The following ELAVL3 variants were observed in gnomAD, a reference collection of about 807,000 sequenced individuals.
The protein encoded by ELAVL3 is ELAV-like protein 3.
In ELAVL3, 8 loss-of-function variants were observed where a neutral mutation model predicts 34.2. The ratio of observed to expected loss-of-function variants is 0.23; its 90% confidence interval spans 0.14 to 0.42. The LOEUF (loss-of-function observed/expected upper bound fraction) is 0.42. ELAVL3 is among the 10% of genes least tolerant of loss of function. The pLI is 1.00. For missense variants in ELAVL3, 273 were observed against 518.8 expected, an observed-to-expected ratio of 0.53 and a Z score of 4.60; for synonymous variants, 209 against 222.1, an observed-to-expected ratio of 0.94 and a Z score of 0.53.
At chr19:11,475,612 C>CTTTTT (rs35672237) in intron 1 of ELAVL3, among the ~76,000 whole-genome samples, 1 of 133,768 alleles carries the variant, frequency 7.5e-6, no homozygotes, top group Non-Finnish European at 1.6e-5. Context: ...TCACCATCTA[C>CTTTTT]TTTTTTTTTT....
chr19:11,480,517 C>CA lies in ELAVL3; in HGVS notation c.9+82_9+83insT. ...TAGCTAGGCCTGGTCCTACCCCCCC[C>CA]GCCGCACCCGCCCAATCTCCGCGGA... On this transcript the variant is annotated intron_variant, in intron 1 of 6. Transcript: ENST00000359227. The surrounding 1 kb of genome is among the most constrained non-coding windows in gnomAD (Gnocchi z 6.8). The CA allele has an allele frequency of 7.0e-7, 1 of 1,420,128 alleles. No individual in the cohort carries two copies. Among genetic ancestry groups the CA allele is most frequent in the Non-Finnish European group, 9.2e-7 (1 of 1,084,272 alleles). The allele number at this position is 1,420,128 out of a possible 1,614,324, so 88.0% of individuals were successfully genotyped here.
chr19:11,464,964 CCAGA>C (rs755699488), intron 3 of ELAVL3, among the ~76,000 whole-genome samples: 110 of 128,446 alleles, frequency 8.6e-4, no homozygotes, highest in African/African-American at 3.3e-3. Flanking sequence ...CACACACGCA[CCAGA>C]CACACACATA....
At chr19:11,456,230 G>A (rs540598022) in intron 6 of ELAVL3, among the ~76,000 whole-genome samples, 2 of 151,012 alleles carry the variant, frequency 1.3e-5, no homozygotes, top group African/African-American at 4.9e-5. Flanking sequence ...TCAGCCTCCC[G>A]AGTAGCTGGG....
In ELAVL3 at chr19:11,454,920, GC is replaced by G; in HGVS notation, c.753-44del. On this transcript the variant is annotated intron_variant, in intron 6 of 6. Coordinates refer to ENST00000359227, the MANE Select transcript of ELAVL3 (RefSeq NM_001420.4). This position sits in a 1 kb window ranked among gnomAD's most constrained non-coding sequence, Gnocchi z 9.2. ...CGGGCTCTGCCCTGACCCCCCGCAT[GC>G]TTCTGACCCCGTTGTGACCCTTCAC... 6.5e-7 allele frequency: 1 copy of G among 1,549,650 alleles called. No individual in the cohort carries two copies. The highest frequency in any genetic ancestry group is 8.7e-7 in the Non-Finnish European group (1 of 1,151,232).
At chr19:11,463,859 C>T (rs113931472) in intron 3 of ELAVL3, among the ~76,000 whole-genome samples, 19,706 of 151,514 alleles carry the variant, frequency 0.13, 2,423 homozygotes, top group African/African-American at 0.33. Flanking sequence ...ATCCCAGCTA[C>T]TCGGGAGGCT....
At chr19:11,462,252 C>T (rs1970903891) in intron 3 of ELAVL3, among the ~76,000 whole-genome samples, 1 of 150,548 alleles carries the variant, frequency 6.6e-6, no homozygotes, top group African/African-American at 2.5e-5. Context: ...GAATGGGGGG[C>T]AGGGTCTGAT....
rs112657005 is a variant in ELAVL3, at chr19:11,461,229, G to C, written c.334-2618C>G. On this transcript the variant is annotated intron_variant, in intron 3 of 6. Coordinates refer to ENST00000359227, the MANE Select transcript of ELAVL3 (RefSeq NM_001420.4). ...ACATATATATTTATTTCCCAGAAAC[G>C]GTGGTGACTGGTGAGTATTGTAAAA... is the stretch of plus-strand genomic sequence containing the variant. Among the ~76,000 whole-genome samples the C allele has an allele frequency of 4.6e-3, 695 of 152,070 alleles. 3 individuals are homozygous for C. Among genetic ancestry groups the C allele is most frequent in the Non-Finnish European group, 6.5e-3 (442 of 67,996 alleles).
chr19:11,470,986 C>A (rs1971151288), intron 1 of ELAVL3, among the ~76,000 whole-genome samples: 1 of 152,160 alleles, frequency 6.6e-6, no homozygotes, highest in Admixed American at 6.5e-5. Context: ...GCTAGGACTA[C>A]AGGTGGGCGC....
chr19:11,464,165 A>ATTTTTTT (rs1463453278), intron 3 of ELAVL3, among the ~76,000 whole-genome samples: 2 of 111,060 alleles, frequency 1.8e-5, no homozygotes, highest in Admixed American at 9.1e-5. Flanking sequence ...ATATATATAT[A>ATTTTTTT]TATTTTTTTT....
chr19:11,460,171 C>T (rs774679585), intron 3 of ELAVL3, among the ~76,000 whole-genome samples: 8 of 152,140 alleles, frequency 5.3e-5, no homozygotes, highest in Non-Finnish European at 1.0e-4. Context: ...AGGTTGTTCT[C>T]GACACCTGTT....
At chr19:11,468,751 G>A (rs1971106186) in intron 1 of ELAVL3, among the ~76,000 whole-genome samples, 1 of 152,080 alleles carries the variant, frequency 6.6e-6, no homozygotes, top group Non-Finnish European at 1.5e-5. Flanking sequence ...TAAGGGAGAT[G>A]CTTTAAACAT....
In ELAVL3 at chr19:11,452,881, C is replaced by T. The variant is rs554859375; in HGVS notation, c.*1645G>A. On this transcript the variant is annotated 3_prime_UTR_variant, in exon 7 of 7. Transcript: ENST00000359227. ...AAACTAGGGCGATGCAATGTCCAGA[C>T]AGAAGCCGGGGGCCGGGGCTCGAGA... 6.6e-6 allele frequency: 1 copy of T among 152,056 alleles called. No individual in the cohort carries two copies. The highest frequency in any genetic ancestry group is 1.9e-4 in the East Asian group (1 of 5,160). The allele number at this position is 152,056 out of a possible 1,614,324, so 9.4% of individuals were successfully genotyped here.
intron 1 of ELAVL3, among the ~76,000 whole-genome samples, chr19:11,479,914 C>T (rs1412715859): frequency 6.6e-6 from 1 of 151,702 alleles, no homozygotes; most frequent in Admixed American, 6.6e-5. Flanking sequence ...GACCCGGGAG[C>T]CCAGAGGTGC....
intron 1 of ELAVL3, among the ~76,000 whole-genome samples, chr19:11,467,628 T>C (rs979968331): frequency 6.7e-6 from 1 of 148,166 alleles, no homozygotes; most frequent in Non-Finnish European, 1.5e-5. Flanking sequence ...GGATTACAGG[T>C]GCATGCCACT....
chr19:11,459,582 A>AT (rs144024980), intron 3 of ELAVL3, among the ~76,000 whole-genome samples: 20,718 of 145,814 alleles, frequency 0.14, 2,028 homozygotes, highest in African/African-American at 0.27. Context: ...TAATCTTTAA[A>AT]TTTTTTTTTT....
intron 1 of ELAVL3, among the ~76,000 whole-genome samples, chr19:11,470,040 G>A (rs146351805): frequency 3.3e-5 from 5 of 151,802 alleles, no homozygotes; most frequent in Admixed American, 1.3e-4. Flanking sequence ...CTGGGCGACC[G>A]AGTGAGACCC....
chr19:11,454,822 G>T lies in ELAVL3; in HGVS notation c.808C>A (p.Leu270Met). ...CCCCCCGACAGGCCCACGCCCGCCAGGCCGCTCATACCATCGATGGCGATC... is the reference window on the plus strand; with the variant it reads ...CCCCCCGACAGGCCCACGCCCGCCATGCCGCTCATACCATCGATGGCGATC... ...SPIAIDGMSG[L>M]AGVGLSGGAA... Residue 270 changes from leucine to methionine, a missense_variant, in exon 7 of 7, where the codon CTG (leucine) becomes ATG (methionine). Transcript: ENST00000359227. This position sits in a 1 kb window ranked among gnomAD's most constrained non-coding sequence, Gnocchi z 9.2. 1 of 1,610,214 alleles carries T rather than the reference G, an allele frequency of 6.2e-7. No homozygotes were observed. The highest frequency in any genetic ancestry group is 8.5e-7 in the Non-Finnish European group (1 of 1,179,012).
At chr19:11,465,292 C>T (rs565992099) in intron 3 of ELAVL3, among the ~76,000 whole-genome samples, 3 of 121,348 alleles carry the variant, frequency 2.5e-5, no homozygotes, top group Non-Finnish European at 4.7e-5. Flanking sequence ...CACACACACA[C>T]CACACACACA....
intron 3 of ELAVL3, among the ~76,000 whole-genome samples, chr19:11,464,981 C>CCA (rs368923283): frequency 4.8e-5 from 6 of 125,212 alleles, no homozygotes; most frequent in African/African-American, 9.5e-5. Context: ...CACACATACA[C>CCA]CACACACACA....
Sources: gnomAD v4.1 joint callset for allele counts (sites outside exome capture counted in the v4.1 genomes callset) on GRCh38, gnomAD v4.1.1 for gene constraint, Gnocchi (gnomAD v3.1) non-coding constraint, MANE v1.5 for transcripts, NCBI Gene and HGNC (gene_info 2026-07-23, HGNC 2026-07-21) for gene names.